EPB41L4A: variants seen among roughly 807,000 people sequenced by gnomAD.
The protein encoded by EPB41L4A is band 4.1-like protein 4A.
EPB41L4A carries 100 observed loss-of-function variants against 108.6 expected under a neutral mutation model. That is an observed-to-expected ratio of 0.92 (90% CI 0.78 to 1.09). EPB41L4A has a LOEUF of 1.09. Among genes scored for constraint, EPB41L4A ranks in the 50% least tolerant of loss-of-function variants. The pLI is 0.00. For missense variants in EPB41L4A, 1,030 were observed against 842.7 expected (o/e 1.22, Z -2.75); for synonymous variants, 319 against 289.0 (o/e 1.10, Z -1.05).
At chr5:112,308,333 T>C (rs1754826865) in intron 1 of EPB41L4A, among the ~76,000 whole-genome samples, 2 of 152,212 alleles carry the variant, frequency 1.3e-5, no homozygotes, top group Non-Finnish European at 2.9e-5. Context: ...TTCAGTTTCA[T>C]CTTCCCTCAG....
chr5:112,291,489 T>C (rs1753639504), intron 2 of EPB41L4A, among the ~76,000 whole-genome samples: 1 of 152,242 alleles, frequency 6.6e-6, no homozygotes, highest in South Asian at 2.1e-4. Flanking sequence ...AGTCTTTTGT[T>C]GAAATGTTGG....
At chr5:112,312,655 G>A (rs1313111241) in intron 1 of EPB41L4A, among the ~76,000 whole-genome samples, 1 of 152,144 alleles carries the variant, frequency 6.6e-6, no homozygotes, top group African/African-American at 2.4e-5. Context: ...GGATGCCAGA[G>A]GTAAATTAGC....
At chr5:112,238,772 T>A (rs896486780) in intron 11 of EPB41L4A, among the ~76,000 whole-genome samples, 1 of 152,202 alleles carries the variant, frequency 6.6e-6, no homozygotes, top group African/African-American at 2.4e-5. Flanking sequence ...AGTGGGTAGA[T>A]CTGATTCTTT....
intron 1 of EPB41L4A, among the ~76,000 whole-genome samples, chr5:112,341,274 C>A (rs1371061258): frequency 1.3e-5 from 2 of 152,102 alleles, no homozygotes; most frequent in African/African-American, 2.4e-5. Context: ...CCAAAAATCC[C>A]ACATATAACT....
chr5:112,295,581 A>G (rs1753936163), intron 2 of EPB41L4A, among the ~76,000 whole-genome samples: 1 of 152,224 alleles, frequency 6.6e-6, no homozygotes, highest in African/African-American at 2.4e-5. Flanking sequence ...GCTATAGTGC[A>G]TTGCCCAAGG....
At chr5:112,154,525 T>C (rs1040963685) in intron 12 of EPB41L4A, among the ~76,000 whole-genome samples, 1 of 152,200 alleles carries the variant, frequency 6.6e-6, no homozygotes, top group Non-Finnish European at 1.5e-5. Context: ...AATACTCTTT[T>C]TACATATAAT....
intron 13 of EPB41L4A, among the ~76,000 whole-genome samples, chr5:112,145,197 G>A (rs1308052383): frequency 6.6e-6 from 1 of 152,178 alleles, no homozygotes; most frequent in Non-Finnish European, 1.5e-5. Context: ...GGCTGAGGTG[G>A]GAGAATCACT....
chr5:112,211,462 A>C (rs1228547780), intron 12 of EPB41L4A, among the ~76,000 whole-genome samples: 2 of 152,162 alleles, frequency 1.3e-5, no homozygotes, highest in Non-Finnish European at 1.5e-5. Flanking sequence ...CATGCCTGTA[A>C]TCCCAGATAC....
At chr5:112,222,226 C>T (rs769199493) in intron 12 of EPB41L4A, among the ~76,000 whole-genome samples, 7 of 152,204 alleles carry the variant, frequency 4.6e-5, no homozygotes, top group Non-Finnish European at 7.3e-5. Context: ...AGAAATCACA[C>T]ATGGGGAAAA....
intron 12 of EPB41L4A, among the ~76,000 whole-genome samples, chr5:112,153,406 A>G (rs1759539964): frequency 6.6e-6 from 1 of 151,094 alleles, no homozygotes. Flanking sequence ...GCATGCGCCT[A>G]TAATTCCAGC....
intron 1 of EPB41L4A, among the ~76,000 whole-genome samples, chr5:112,355,103 A>G (rs1758285117): frequency 6.6e-6 from 1 of 152,214 alleles, no homozygotes; most frequent in African/African-American, 2.4e-5. Flanking sequence ...AATTTCACAT[A>G]AAGACATGAA....
chr5:112,339,468 A>AAATATCTATATATATATATC (rs1561584809), intron 1 of EPB41L4A, among the ~76,000 whole-genome samples: 747 of 48,216 alleles, frequency 0.015, 12 homozygotes, highest in African/African-American at 0.04. Flanking sequence ...ATAGATATAT[A>AAATATCTATATATATATATC]TATATCTATA....
At chr5:112,246,740 C>T (rs1170662795) in intron 9 of EPB41L4A, among the ~76,000 whole-genome samples, 1 of 152,168 alleles carries the variant, frequency 6.6e-6, no homozygotes, top group Admixed American at 6.5e-5. Context: ...ATGTAAAATA[C>T]AGATTCTCCA....
chr5:112,172,341 T>C (rs940651794), intron 18 of EPB41L4A, among the ~76,000 whole-genome samples: 2 of 151,996 alleles, frequency 1.3e-5, no homozygotes, highest in African/African-American at 4.8e-5. Flanking sequence ...CAAAACCCCA[T>C]CTCTACTAAA....
chr5:112,272,943 C>T lies in EPB41L4A; in HGVS notation c.335+2383G>A, dbSNP rs34243933. ...AAATTACAGACAACCTAACAGCCAA[C>T]GCAGAGTAGGCTGGTACAATTTTCC... On this transcript the variant is annotated intron_variant, in intron 4 of 22. Coordinates refer to ENST00000261486, the MANE Select transcript of EPB41L4A (RefSeq NM_022140.5). 3.3e-3 allele frequency among the ~76,000 whole-genome samples: 506 copies of T among 152,248 alleles called. 1 individual carries two copies. Among genetic ancestry groups the T allele is most frequent in the Non-Finnish European group, 6.4e-3 (436 of 68,016 alleles).
rs77801163 is a variant in EPB41L4A at position 112,239,635 on chromosome 5, C to T, written c.965+25G>A. 10,703 of 1,487,388 alleles carry T rather than the reference C, an allele frequency of 7.2e-3. 52 individuals are homozygous for T. The highest frequency in any genetic ancestry group is 9.9e-3 in the Middle Eastern group (57 of 5,770). The allele number at this position is 1,487,388 out of a possible 1,614,324, so 92.1% of individuals were successfully genotyped here. A position where few individuals can be genotyped will look rare whatever the true frequency, so the allele number is the denominator to read the frequency against. On this transcript the variant is annotated intron_variant, in intron 11 of 22. Transcript: ENST00000261486. ...TAAGTATTTATTTACAAACACATCC[C>T]CCCAAGGAAAAAAATGTCATTTACC...
At chr5:112,389,396 A>C (rs568492553) in intron 1 of EPB41L4A, among the ~76,000 whole-genome samples, 22 of 152,226 alleles carry the variant, frequency 1.4e-4, no homozygotes, top group Non-Finnish European at 1.6e-4. Flanking sequence ...TCCATGCTAA[A>C]GTTCCAGGTC....
At chr5:112,151,171 C>A (rs1316328836) in intron 12 of EPB41L4A, among the ~76,000 whole-genome samples, 1 of 151,860 alleles carries the variant, frequency 6.6e-6, no homozygotes, top group Non-Finnish European at 1.5e-5. Flanking sequence ...GTCTGAGATG[C>A]AGGAGAGAAT....
intron 1 of EPB41L4A, among the ~76,000 whole-genome samples, chr5:112,361,981 C>T (rs1182937078): frequency 6.6e-6 from 1 of 152,104 alleles, no homozygotes; most frequent in Non-Finnish European, 1.5e-5. Flanking sequence ...CTTGATAAAC[C>T]AAGCCATTGA....
Sources: allele counts gnomAD v4.1 joint callset (sites outside exome capture counted in the v4.1 genomes callset), GRCh38; gene constraint gnomAD v4.1.1; transcripts MANE v1.5; gene names NCBI Gene and HGNC (gene_info 2026-07-23, HGNC 2026-07-21).